The following CFAP54 variants were observed in gnomAD, a reference collection of about 807,000 sequenced individuals.
CFAP54 encodes the protein cilia- and flagella-associated protein 54.
Under a neutral mutation model 370.4 loss-of-function variants are expected in CFAP54, and 290 were observed. The observed-to-expected ratio is 0.78, with a 90% CI of 0.71 to 0.86. CFAP54 has a LOEUF of 0.86. CFAP54 is among the 40% of genes least tolerant of loss of function. The pLI, the probability that CFAP54 is intolerant of heterozygous loss-of-function variation, is 0.00. For synonymous variants in CFAP54, 1,206 were observed against 1,236.5 expected, an observed-to-expected ratio of 0.98 and a Z score of 0.52; for missense variants, 3,399 against 3,528.7, an observed-to-expected ratio of 0.96 and a Z score of 0.93.
Position 96,705,973 on chromosome 12 carries a change from G to C in CFAP54, c.6528+1177G>C, listed in dbSNP as rs569581031. Among the ~76,000 whole-genome samples the C allele has an allele frequency of 9.2e-4, 139 of 151,818 alleles. 2 individuals carry two copies. Among genetic ancestry groups the C allele is most frequent in the Admixed American group, 1.4e-3 (21 of 15,242 alleles). On this transcript the variant is annotated intron_variant, in intron 47 of 67. Coordinates refer to ENST00000524981, the MANE Select transcript of CFAP54 (RefSeq NM_001306084.2). Reference sequence around the variant, plus strand: ...TTTTTTTGTTTACGTAAGGCAAATAGTTTCTCTTTTTTTTTTCTAGAATAG... The same window carrying C: ...TTTTTTTGTTTACGTAAGGCAAATACTTTCTCTTTTTTTTTTCTAGAATAG...
chr12:96,868,620 C>A (rs1412141145), intron 67 of CFAP54, among the ~76,000 whole-genome samples: 1 of 151,652 alleles, frequency 6.6e-6, no homozygotes, highest in East Asian at 1.9e-4. Flanking sequence ...TGAACTTGCT[C>A]AAAAAAATGT....
intron 66 of CFAP54, among the ~76,000 whole-genome samples, chr12:96,832,302 A>G (rs888839528): frequency 1.3e-5 from 2 of 150,894 alleles, no homozygotes; most frequent in East Asian, 3.9e-4. Context: ...TATATAGGTT[A>G]TAAAAAAGAA....
chr12:96,561,277 G>A (rs1955812529), intron 17 of CFAP54, among the ~76,000 whole-genome samples: 2 of 152,242 alleles, frequency 1.3e-5, no homozygotes, highest in South Asian at 4.1e-4. Context: ...AGATCTGATG[G>A]TTTTATAAGA....
At chr12:96,811,963 T>C (rs1592778097) in intron 64 of CFAP54, 121 bp downstream of exon 64, 2 of 570,590 alleles carry the variant, frequency 3.5e-6, no homozygotes, top group East Asian at 6.5e-5. Flanking sequence ...GCGAAGAATC[T>C]TCCTTTTGTT....
At chr12:96,734,675 TA>T (rs1425977268) in intron 50 of CFAP54, among the ~76,000 whole-genome samples, 2 of 152,166 alleles carry the variant, frequency 1.3e-5, no homozygotes, top group Non-Finnish European at 2.9e-5. Context: ...TATGAATTCT[TA>T]AAAATTAGGT....
At chr12:96,860,686 G>A in intron 66 of CFAP54, 133 bp from the exon 67 acceptor site, 1 of 824,000 alleles carries the variant, frequency 1.2e-6, no homozygotes, top group Non-Finnish European at 1.8e-6. Context: ...ATGAAACTTT[G>A]TGCCTTACCT....
At chr12:96,625,405 A>G (rs1026111129) in intron 28 of CFAP54, among the ~76,000 whole-genome samples, 10 of 152,130 alleles carry the variant, frequency 6.6e-5, no homozygotes, top group Non-Finnish European at 1.5e-4. Flanking sequence ...TAATTGGTAG[A>G]TTTCTGAGTC....
chr12:96,503,768 G>A, intron 2 of CFAP54, 118 bp from the exon 3 acceptor site: 1 of 890,414 alleles, frequency 1.1e-6, no homozygotes, highest in Non-Finnish European at 1.6e-6. Context: ...GGAGCCAGTA[G>A]TAATGGTATA....
At chr12:96,616,799 C>T (rs564868761) in intron 26 of CFAP54, among the ~76,000 whole-genome samples, 1 of 152,238 alleles carries the variant, frequency 6.6e-6, no homozygotes, top group Non-Finnish European at 1.5e-5. Context: ...GATAAATGGC[C>T]ATCTTGTGGG....
intron 64 of CFAP54, among the ~76,000 whole-genome samples, chr12:96,813,889 A>G (rs1398439988): frequency 2.0e-5 from 3 of 152,230 alleles, no homozygotes; most frequent in African/African-American, 7.2e-5. Context: ...ATGAAGAAGT[A>G]CGTGGGAGGA....
chr12:96,792,139 C>T (rs550019888), intron 62 of CFAP54, among the ~76,000 whole-genome samples, 190 bp from the exon 63 acceptor site: 14 of 152,264 alleles, frequency 9.2e-5, no homozygotes, highest in South Asian at 4.1e-4. Context: ...CGTCAGCCAC[C>T]GCGCCTGGCC....
chr12:96,667,858 G>C lies in CFAP54; in HGVS notation c.5563+3926G>C, dbSNP rs188074452. ...GGCTGTAGATTTTCCCAATGTTTAT[G>C]CTCTGTCACCTCTTGAACACTTTAC... On this transcript the variant is annotated intron_variant, in intron 39 of 67. Coordinates refer to ENST00000524981, the MANE Select transcript of CFAP54 (RefSeq NM_001306084.2). Among the ~76,000 whole-genome samples the C allele has an allele frequency of 2.0e-5, 3 of 152,152 alleles. No homozygotes were observed. In the East Asian group the frequency reaches 5.8e-4, roughly 29 times the overall value.
Position 96,757,570 on chromosome 12 carries a change from A to T in CFAP54, c.8022A>T (p.Gly2674=). ...HLKKPKIKIS[G]SPLTLKPPLR... is the part of the protein sequence containing the mutation. ...AGAAGCCAAAGATAAAAATTTCAGG[A>T]TCACCATTAACACTTAAGGTAAGAG... is the stretch of plus-strand genomic sequence containing the variant. Residue 2674 remains glycine (G), a synonymous_variant, in exon 58 of 68, where the codon GGA becomes GGT. Coordinates refer to ENST00000524981, the MANE Select transcript of CFAP54 (RefSeq NM_001306084.2). 1 of 1,587,176 alleles carries T rather than the reference A, an allele frequency of 6.3e-7. No homozygotes were observed.
chr12:96,725,541 T>G (rs1457836702), intron 50 of CFAP54, among the ~76,000 whole-genome samples: 1 of 152,214 alleles, frequency 6.6e-6, no homozygotes, highest in Non-Finnish European at 1.5e-5. Flanking sequence ...CCTGAGACTT[T>G]GCTGAAGTTG....
chr12:96,704,170 A>G (rs1006982370), intron 46 of CFAP54, among the ~76,000 whole-genome samples: 31 of 152,010 alleles, frequency 2.0e-4, no homozygotes, highest in African/African-American at 7.0e-4. Context: ...GCTCACGCCT[A>G]TAATCCCAGC....
chr12:96,840,149 C>A (rs1294912508), intron 66 of CFAP54, among the ~76,000 whole-genome samples: 1 of 152,214 alleles, frequency 6.6e-6, no homozygotes, highest in Admixed American at 6.5e-5. Flanking sequence ...ACCATGACAT[C>A]CAATAAAACT....
intron 40 of CFAP54, among the ~76,000 whole-genome samples, chr12:96,681,099 C>T (rs73379208): frequency 0.021 from 2,944 of 141,610 alleles, 108 homozygotes; most frequent in African/African-American, 0.072. Flanking sequence ...CAGAACAAAA[C>T]AAAACAGAAA....
intron 39 of CFAP54, among the ~76,000 whole-genome samples, chr12:96,668,483 A>C (rs1470044700): frequency 6.6e-6 from 1 of 152,040 alleles, no homozygotes; most frequent in Admixed American, 6.5e-5. Flanking sequence ...GTGCAGGGGA[A>C]CTCCCATTTA....
intron 67 of CFAP54, among the ~76,000 whole-genome samples, chr12:96,871,039 C>T (rs755076633): frequency 3.3e-5 from 5 of 152,056 alleles, no homozygotes; most frequent in Non-Finnish European, 5.9e-5. Flanking sequence ...GTGGGTCTGC[C>T]AGAGTAGTTA....
Sources: gnomAD v4.1 joint callset for allele counts (sites outside exome capture counted in the v4.1 genomes callset) on GRCh38, gnomAD v4.1.1 for gene constraint, MANE v1.5 for transcripts, NCBI Gene and HGNC (gene_info 2026-07-23, HGNC 2026-07-21) for gene names.